RBFOX2: variants seen among roughly 807,000 people sequenced by gnomAD.
The protein encoded by RBFOX2 is RNA binding fox-1 homolog 2.
RBFOX2 carries 10 observed loss-of-function variants against 49.1 expected under a neutral mutation model. The observed-to-expected ratio is 0.20, with a 90% CI of 0.13 to 0.35. RBFOX2 has a LOEUF of 0.35. RBFOX2 is among the 10% of genes least tolerant of loss of function. RBFOX2 has a pLI of 1.00. For missense variants in RBFOX2, 323 were observed against 486.9 expected, an observed-to-expected ratio of 0.66 and a Z score of 3.17; for synonymous variants, 183 against 187.4, an observed-to-expected ratio of 0.98 and a Z score of 0.19.
intron 1 of RBFOX2, among the ~76,000 whole-genome samples, chr22:36,019,336 TC>T (rs1318983460): frequency 6.6e-6 from 1 of 152,196 alleles, no homozygotes; most frequent in African/African-American, 2.4e-5. Context: ...AAATGAGGTT[TC>T]CCCTTTAACA....
intron 2 of RBFOX2, among the ~76,000 whole-genome samples, chr22:35,793,043 T>C (rs1948086560): frequency 6.6e-6 from 1 of 152,186 alleles, no homozygotes; most frequent in East Asian, 1.9e-4. Context: ...GGATTACAGG[T>C]GCATGCCACC....
chr22:35,857,802 G>A (rs2042680011), intron 1 of RBFOX2, among the ~76,000 whole-genome samples: 1 of 152,210 alleles, frequency 6.6e-6, no homozygotes, highest in African/African-American at 2.4e-5. Flanking sequence ...GAACCTTGAG[G>A]AATCCTTGCT....
At chr22:35,952,047 G>A (rs1270159120) in intron 1 of RBFOX2, among the ~76,000 whole-genome samples, 1 of 152,110 alleles carries the variant, frequency 6.6e-6, no homozygotes, top group Non-Finnish European at 1.5e-5. Context: ...CGGGAGTCTG[G>A]AATTTTGATT....
chr22:35,875,042 G>A (rs949185420), intron 1 of RBFOX2, among the ~76,000 whole-genome samples: 2 of 152,170 alleles, frequency 1.3e-5, no homozygotes, highest in African/African-American at 4.8e-5. Context: ...AGAAGAGGTT[G>A]TGTGAGCACA....
At chr22:35,968,616 G>T (rs1267486477) in intron 1 of RBFOX2, among the ~76,000 whole-genome samples, 1 of 152,140 alleles carries the variant, frequency 6.6e-6, no homozygotes, top group African/African-American at 2.4e-5. Context: ...CAAAACAACA[G>T]ACAAAGGTTT....
chr22:35,874,347 G>A (rs536816457), intron 1 of RBFOX2, among the ~76,000 whole-genome samples: 8 of 152,124 alleles, frequency 5.3e-5, no homozygotes, highest in South Asian at 2.1e-4. Flanking sequence ...AAAAAATTCC[G>A]TCTACCTCCT....
At chr22:35,839,345 G>A (rs913279675) in intron 1 of RBFOX2, among the ~76,000 whole-genome samples, 1 of 150,706 alleles carries the variant, frequency 6.6e-6, no homozygotes, top group Admixed American at 6.6e-5. Flanking sequence ...CTAAAATGCA[G>A]ATTAGATATT....
At chr22:35,919,573 G>C (rs889992192) in intron 1 of RBFOX2, among the ~76,000 whole-genome samples, 1 of 152,062 alleles carries the variant, frequency 6.6e-6, no homozygotes, top group Non-Finnish European at 1.5e-5. Flanking sequence ...ACGGGGAATG[G>C]AGTTTCTTGT....
intron 1 of RBFOX2, among the ~76,000 whole-genome samples, chr22:35,833,842 T>C (rs965693310): frequency 7.9e-5 from 12 of 152,132 alleles, no homozygotes; most frequent in African/African-American, 2.9e-4. Flanking sequence ...CTAAAATATG[T>C]AAAGCACTTA....
At chr22:35,905,244 G>C (rs1161096745) in intron 1 of RBFOX2, among the ~76,000 whole-genome samples, 1 of 152,092 alleles carries the variant, frequency 6.6e-6, no homozygotes, top group East Asian at 1.9e-4. Flanking sequence ...TATTATGTTA[G>C]AGGCAGCCAA....
At chr22:35,783,545 G>T (rs531977400) in intron 2 of RBFOX2, among the ~76,000 whole-genome samples, 2 of 152,010 alleles carry the variant, frequency 1.3e-5, no homozygotes, top group Admixed American at 1.3e-4. Flanking sequence ...AGCGAGTTTG[G>T]GGGGGCACAG....
intron 1 of RBFOX2, among the ~76,000 whole-genome samples, chr22:35,882,687 T>C (rs914970472): frequency 5.3e-5 from 8 of 152,168 alleles, no homozygotes; most frequent in African/African-American, 7.2e-5. Context: ...TCACCTTATA[T>C]AGGAATGCAA....
At chr22:35,889,012 C>T (rs527931338) in intron 1 of RBFOX2, among the ~76,000 whole-genome samples, 1 of 152,024 alleles carries the variant, frequency 6.6e-6, no homozygotes, top group East Asian at 1.9e-4. Context: ...AAAATTAGCT[C>T]GGCGTGGTGT....
At chr22:35,839,483 G>A (rs1379002179) in intron 1 of RBFOX2, among the ~76,000 whole-genome samples, 1 of 152,150 alleles carries the variant, frequency 6.6e-6, no homozygotes, top group East Asian at 1.9e-4. Flanking sequence ...AGAAAAACGA[G>A]AGGGGAGACA....
intron 1 of RBFOX2, among the ~76,000 whole-genome samples, chr22:35,854,410 C>T (rs550446272): frequency 1.3e-5 from 2 of 151,980 alleles, no homozygotes; most frequent in African/African-American, 4.8e-5. Context: ...CATATTAAGA[C>T]CCTGCCTATA....
intron 1 of RBFOX2, among the ~76,000 whole-genome samples, chr22:35,991,277 C>A (rs1251001449): frequency 6.6e-6 from 1 of 152,064 alleles, no homozygotes; most frequent in Non-Finnish European, 1.5e-5. Flanking sequence ...ATGGGACAGT[C>A]TATGAGGAGC....
intron 1 of RBFOX2, among the ~76,000 whole-genome samples, chr22:35,913,849 A>G (rs910132261): frequency 6.6e-6 from 1 of 152,094 alleles, no homozygotes; most frequent in South Asian, 2.1e-4. Flanking sequence ...GTCTAAGAAA[A>G]GGGGAATGAG....
chr22:36,004,338 A>T (rs79774112), intron 1 of RBFOX2, among the ~76,000 whole-genome samples: 128 of 152,006 alleles, frequency 8.4e-4, no homozygotes, highest in Middle Eastern at 3.4e-3. Context: ...GCTACCCAAA[A>T]CTCTTCTAAC....
In RBFOX2 at chr22:35,770,701, G is replaced by A. The variant is rs1197961733; in HGVS notation, c.454-2352C>T. Among the ~76,000 whole-genome samples the A allele has an allele frequency of 2.6e-5, 4 of 152,060 alleles. No homozygotes were observed. The East Asian group carries it at 7.7e-4, about 29-fold the overall frequency. ...CCTTCTTTTCTGAAATGTGTTGAAAGAACATTAGTGATACAATAACTGCAT... is the reference window on the plus strand; with the variant it reads ...CCTTCTTTTCTGAAATGTGTTGAAAAAACATTAGTGATACAATAACTGCAT... On this transcript the variant is annotated intron_variant, in intron 4 of 11. Coordinates refer to ENST00000405409, the Ensembl canonical transcript of RBFOX2.
Sources: gnomAD v4.1 joint callset for allele counts (sites outside exome capture counted in the v4.1 genomes callset) on GRCh38, gnomAD v4.1.1 for gene constraint, MANE v1.5 for transcripts, NCBI Gene and HGNC (gene_info 2026-07-23, HGNC 2026-07-21) for gene names.